Variants in GPC6 observed in about 807,000 individuals in gnomAD.
GPC6 encodes glypican 6, also known as glypican-6.
A neutral mutation model predicts 55.2 loss-of-function variants in GPC6; 14 were observed. That is an observed-to-expected ratio of 0.25 (90% confidence interval 0.17 to 0.40). GPC6 has a LOEUF of 0.40. GPC6 is among the 10% of genes least tolerant of loss of function. GPC6 has a pLI of 1.00. For synonymous variants in GPC6, 278 were observed against 259.6 expected, an observed-to-expected ratio of 1.07 and a Z score of -0.68; for missense variants, 641 against 708.5, an observed-to-expected ratio of 0.90 and a Z score of 1.08.
chr13:93,676,248 CAT>C (rs1359902783), intron 2 of GPC6, among the ~76,000 whole-genome samples: 1 of 146,248 alleles, frequency 6.8e-6, no homozygotes, highest in Non-Finnish European at 1.5e-5. Flanking sequence ...TATATACACA[CAT>C]ATATATACAC....
intron 3 of GPC6, among the ~76,000 whole-genome samples, chr13:93,848,640 A>G (rs979006039): frequency 2.6e-5 from 4 of 152,042 alleles, no homozygotes; most frequent in Non-Finnish European, 4.4e-5. Context: ...CTAGGCATGG[A>G]CTTTAAATGT....
At chr13:94,293,648 T>C (rs1875140340) in intron 5 of GPC6, among the ~76,000 whole-genome samples, 1 of 152,222 alleles carries the variant, frequency 6.6e-6, no homozygotes, top group Admixed American at 6.5e-5. Context: ...TATGTATTTA[T>C]TTCAAATCCT....
At chr13:93,334,313 T>C (rs1309266123) in intron 1 of GPC6, among the ~76,000 whole-genome samples, 5 of 152,186 alleles carry the variant, frequency 3.3e-5, no homozygotes, top group Non-Finnish European at 7.3e-5. Flanking sequence ...TGGAGTGTCC[T>C]GGTTTTTCAT....
rs1876729701 is a variant in GPC6 at position 93,249,977 on chromosome 13, A to T, written c.160+22361A>T. Among the ~76,000 whole-genome samples the T allele has an allele frequency of 5.9e-5, 9 of 152,196 alleles. No individual in the cohort carries two copies. In the South Asian group the frequency reaches 1.9e-3, roughly 32 times the overall value. ...TAACAGGAGAAAACATTTTAGTCTG[A>T]TCTAGTTGAAAATGTAGTCTGATCA... On this transcript the variant is annotated intron_variant, in intron 1 of 8. Coordinates refer to ENST00000377047, the MANE Select transcript of GPC6 (RefSeq NM_005708.5).
chr13:94,154,832 A>T (rs1286750660), intron 4 of GPC6, among the ~76,000 whole-genome samples: 1 of 152,132 alleles, frequency 6.6e-6, no homozygotes, highest in Non-Finnish European at 1.5e-5. Flanking sequence ...ATCAAACCCA[A>T]ATTATTTTCC....
At chr13:94,199,883 G>C (rs1380840295) in intron 4 of GPC6, among the ~76,000 whole-genome samples, 1 of 152,128 alleles carries the variant, frequency 6.6e-6, no homozygotes, top group Non-Finnish European at 1.5e-5. Context: ...CAGGTCAGGC[G>C]TGGTGGCTTA....
chr13:94,168,152 G>A (rs956540796), intron 4 of GPC6, among the ~76,000 whole-genome samples: 1 of 152,220 alleles, frequency 6.6e-6, no homozygotes, highest in African/African-American at 2.4e-5. Context: ...GTAAATGACA[G>A]AGCCAAACGT....
chr13:94,111,272 C>T (rs1886237278), intron 4 of GPC6, among the ~76,000 whole-genome samples: 2 of 151,754 alleles, frequency 1.3e-5, no homozygotes, highest in South Asian at 4.1e-4. Context: ...TTTAATTTCA[C>T]ATATGTTCCT....
the GPC6 span, among the ~76,000 whole-genome samples, chr13:93,220,675 G>A: frequency 1.3e-5 from 2 of 152,132 alleles, no homozygotes; most frequent in African/African-American, 4.8e-5. Flanking sequence ...TCCTAATGAT[G>A]TTATGAAATG....
chr13:94,268,861 C>G (rs1891898048), intron 4 of GPC6, among the ~76,000 whole-genome samples: 2 of 152,130 alleles, frequency 1.3e-5, no homozygotes, highest in Admixed American at 1.3e-4. Context: ...ATTCTGGAAG[C>G]ATTTCCTGGC....
rs1875836811 is a variant in GPC6, at chr13:93,227,537, T to C, written c.81T>C (p.Ala27=). 1 of 1,613,600 alleles carries C rather than the reference T, an allele frequency of 6.2e-7. No individual in the cohort carries two copies. Among genetic ancestry groups the C allele is most frequent in the Non-Finnish European group, 8.5e-7 (1 of 1,179,734 alleles). ...LSLPAGADVK[A]RSCGEVRQAY... is the part of the protein sequence containing the mutation. ...TCCCCGCCGGGGCGGATGTGAAGGC[T>C]CGGAGCTGCGGAGAGGTCCGCCAGG... The change falls in exon 1 of 9, where the codon GCT becomes GCC. Residue 27 remains alanine (A), a synonymous_variant. Coordinates refer to ENST00000377047, the MANE Select transcript of GPC6 (RefSeq NM_005708.5). The surrounding 1 kb of genome is among the most constrained non-coding windows in gnomAD (Gnocchi z 4.3).
At chr13:94,040,702 A>G (rs1048989550) in intron 4 of GPC6, among the ~76,000 whole-genome samples, 4 of 151,896 alleles carry the variant, frequency 2.6e-5, no homozygotes, top group African/African-American at 7.2e-5. Flanking sequence ...GGCTGAGCCT[A>G]TAGGCTGCAT....
At chr13:93,583,902 C>T (rs764813519) in intron 2 of GPC6, among the ~76,000 whole-genome samples, 2 of 152,150 alleles carry the variant, frequency 1.3e-5, no homozygotes, top group Non-Finnish European at 2.9e-5. Flanking sequence ...CATCCCTCAA[C>T]CACTGGAAAG....
chr13:94,196,505 C>A (rs554746392), intron 4 of GPC6, among the ~76,000 whole-genome samples: 1 of 152,284 alleles, frequency 6.6e-6, no homozygotes, highest in East Asian at 1.9e-4. Context: ...TTTTAAGATG[C>A]CGGGTGGTTT....
intron 3 of GPC6, among the ~76,000 whole-genome samples, chr13:93,929,931 G>T (rs1182265778): frequency 1.3e-5 from 2 of 151,886 alleles, no homozygotes; most frequent in African/African-American, 4.8e-5. Context: ...AACAAAAAAG[G>T]TATAGTTTGG....
intron 1 of GPC6, among the ~76,000 whole-genome samples, chr13:93,386,561 A>G (rs747655224): frequency 2.0e-5 from 3 of 152,218 alleles, no homozygotes; most frequent in Non-Finnish European, 4.4e-5. Context: ...AGAGGCTCTG[A>G]CATTCTTTTC....
chr13:93,733,419 T>G (rs1883895127), intron 2 of GPC6, among the ~76,000 whole-genome samples: 2 of 151,926 alleles, frequency 1.3e-5, no homozygotes, highest in Non-Finnish European at 2.9e-5. Flanking sequence ...AGAATTACTA[T>G]TCACAAGATT....
intron 1 of GPC6, among the ~76,000 whole-genome samples, chr13:93,236,544 C>T (rs186470240): frequency 3.0e-4 from 45 of 152,178 alleles, no homozygotes; most frequent in African/African-American, 1.1e-3. Flanking sequence ...TGCCTCCTGT[C>T]GAATCAGCAG....
intron 1 of GPC6, among the ~76,000 whole-genome samples, chr13:93,321,518 A>G (rs983114344): frequency 6.6e-6 from 1 of 152,134 alleles, no homozygotes; most frequent in Admixed American, 6.5e-5. Context: ...CGTCAAATAT[A>G]CTATTTTTAG....
Sources: gnomAD v4.1 joint callset for allele counts (sites outside exome capture counted in the v4.1 genomes callset) on GRCh38, gnomAD v4.1.1 for gene constraint, Gnocchi (gnomAD v3.1) non-coding constraint, MANE v1.5 for transcripts, NCBI Gene and HGNC (gene_info 2026-07-23, HGNC 2026-07-21) for gene names.